Variants in PPM1L observed in about 807,000 individuals in gnomAD.
PPM1L encodes the protein protein phosphatase, Mg2+/Mn2+ dependent 1L.
In PPM1L, 13 loss-of-function variants were observed where a neutral mutation model predicts 31.4. That is an observed-to-expected ratio of 0.41 (90% CI 0.27 to 0.66). The LOEUF (loss-of-function observed/expected upper bound fraction) is 0.66. Among genes scored for constraint, PPM1L ranks in the 30% least tolerant of loss-of-function variants. PPM1L has a pLI of 0.29. For synonymous variants in PPM1L, 184 were observed against 175.4 expected (o/e 1.05, Z -0.39); for missense variants, 326 against 453.7 (o/e 0.72, Z 2.56).
chr3:161,041,801 C>G (rs1718918880), intron 2 of PPM1L, among the ~76,000 whole-genome samples: 2 of 152,120 alleles, frequency 1.3e-5, no homozygotes, highest in South Asian at 2.1e-4. Context: ...TAAAGGGTGC[C>G]TGGATCTCTA....
chr3:160,872,980 CAA>C (rs1475772759), intron 1 of PPM1L, among the ~76,000 whole-genome samples: 1 of 152,140 alleles, frequency 6.6e-6, no homozygotes, highest in Non-Finnish European at 1.5e-5. Flanking sequence ...TGAGGAAAAT[CAA>C]AGTTTGTCAA....
At chr3:160,895,817 T>A (rs532870599) in intron 1 of PPM1L, among the ~76,000 whole-genome samples, 1 of 152,310 alleles carries the variant, frequency 6.6e-6, no homozygotes, top group South Asian at 2.1e-4. Flanking sequence ...CTAATATTGT[T>A]ACCAAGTAAT....
chr3:160,908,784 G>A (rs1458098163), intron 1 of PPM1L, among the ~76,000 whole-genome samples: 1 of 152,164 alleles, frequency 6.6e-6, no homozygotes, highest in Non-Finnish European at 1.5e-5. Context: ...GTCTTACAGG[G>A]ACAGGTAATA....
At chr3:160,992,416 TA>T (rs1717162959) in intron 2 of PPM1L, among the ~76,000 whole-genome samples, 1 of 152,146 alleles carries the variant, frequency 6.6e-6, no homozygotes, top group Non-Finnish European at 1.5e-5. Context: ...TCATCAAAAT[TA>T]GGGCCCAAGA....
chr3:160,799,348 A>G (rs372762973), intron 1 of PPM1L, among the ~76,000 whole-genome samples: 8 of 152,228 alleles, frequency 5.3e-5, no homozygotes, highest in African/African-American at 1.7e-4. Flanking sequence ...AAGAATTGCC[A>G]CACCTACCCC....
chr3:161,065,263 A>G, intron 2 of PPM1L, 140 bp from the exon 3 acceptor site: 1 of 725,212 alleles, frequency 1.4e-6, no homozygotes, highest in Non-Finnish European at 2.3e-6. Context: ...GTGAACAGCC[A>G]TCATTCTCAG....
chr3:160,898,669 C>G (rs112300693), intron 1 of PPM1L, among the ~76,000 whole-genome samples: 2 of 152,136 alleles, frequency 1.3e-5, no homozygotes, highest in African/African-American at 4.8e-5. Context: ...CCAGGTGAAC[C>G]AAGTGAGATT....
At chr3:160,847,754 G>T (rs1714127041) in intron 1 of PPM1L, among the ~76,000 whole-genome samples, 2 of 152,134 alleles carry the variant, frequency 1.3e-5, no homozygotes, top group Non-Finnish European at 2.9e-5. Context: ...CCTAAGATTG[G>T]TATAAAACCA....
intron 2 of PPM1L, among the ~76,000 whole-genome samples, chr3:161,056,051 A>G (rs1009769255): frequency 6.6e-6 from 1 of 152,188 alleles, no homozygotes; most frequent in African/African-American, 2.4e-5. Context: ...TAAAATAAGG[A>G]TTCTCAGGAC....
In PPM1L at chr3:160,782,890, G is replaced by T. The variant is rs188229462; in HGVS notation, c.399+26183G>T. ...GTTTTTAAATACTTCAGAAATGCTT[G>T]TTTATTGAATTGTGTTATTCTTTAT... On this transcript the variant is annotated intron_variant, in intron 1 of 3. Coordinates refer to ENST00000498165, the MANE Select transcript of PPM1L (RefSeq NM_139245.4). Among the ~76,000 whole-genome samples the T allele has an allele frequency of 1.3e-3, 200 of 152,252 alleles. 1 individual carries two copies. The highest frequency in any genetic ancestry group is 2.2e-3 in the Non-Finnish European group (151 of 67,988).
intron 1 of PPM1L, among the ~76,000 whole-genome samples, chr3:160,948,390 G>A (rs1436608027): frequency 6.6e-6 from 1 of 152,148 alleles, no homozygotes; most frequent in African/African-American, 2.4e-5. Flanking sequence ...GTGATGCTGA[G>A]TTCCTTTCCC....
intron 1 of PPM1L, among the ~76,000 whole-genome samples, chr3:160,814,988 T>G (rs1712951278): frequency 6.6e-6 from 1 of 151,984 alleles, no homozygotes; most frequent in Admixed American, 6.6e-5. Context: ...ACAATGGACT[T>G]TCGGGATTCA....
chr3:160,840,193 G>A (rs1393601310), intron 1 of PPM1L, among the ~76,000 whole-genome samples: 1 of 152,078 alleles, frequency 6.6e-6, no homozygotes, highest in East Asian at 1.9e-4. Flanking sequence ...AGCACTTTTG[G>A]AAAGCATCGT....
At chr3:160,931,243 A>G (rs1386397526) in intron 1 of PPM1L, among the ~76,000 whole-genome samples, 3 of 152,262 alleles carry the variant, frequency 2.0e-5, no homozygotes, top group African/African-American at 7.2e-5. Context: ...TTTTGTGGTT[A>G]TGGTATTTTG....
rs147110286 is a variant in PPM1L, at chr3:160,778,866, C to G, written c.399+22159C>G. Reference sequence around the variant, plus strand: ...ACTTTAAAGGCTTTGAGCCCAGAAGCTCTCTCAAACTCATTCTAAGTGCTT... The same window carrying G: ...ACTTTAAAGGCTTTGAGCCCAGAAGGTCTCTCAAACTCATTCTAAGTGCTT... On this transcript the variant is annotated intron_variant, in intron 1 of 3. Transcript: ENST00000498165. Among the ~76,000 whole-genome samples the G allele has an allele frequency of 1.7e-3, 257 of 152,278 alleles. 1 individual carries two copies. The highest frequency in any genetic ancestry group is 3.2e-3 in the Non-Finnish European group (221 of 68,016).
chr3:160,807,809 C>CTT (rs780117248), intron 1 of PPM1L, among the ~76,000 whole-genome samples: 10 of 138,800 alleles, frequency 7.2e-5, no homozygotes, highest in Non-Finnish European at 1.6e-4. Flanking sequence ...TGCTTGGGCA[C>CTT]TTTTTTTTTT....
chr3:160,810,210 G>C (rs572043979), intron 1 of PPM1L, among the ~76,000 whole-genome samples: 1 of 151,980 alleles, frequency 6.6e-6, no homozygotes, highest in East Asian at 1.9e-4. Context: ...CTTAATGTGT[G>C]TTAGTAGGTC....
At chr3:161,009,715 G>A (rs570062798) in intron 2 of PPM1L, among the ~76,000 whole-genome samples, 1 of 152,186 alleles carries the variant, frequency 6.6e-6, no homozygotes, top group Admixed American at 6.5e-5. Flanking sequence ...GTCCTCTTCT[G>A]TTCTCTCCAA....
intron 2 of PPM1L, among the ~76,000 whole-genome samples, chr3:161,011,590 C>G (rs958918002): frequency 1.3e-5 from 2 of 151,574 alleles, no homozygotes; most frequent in African/African-American, 4.9e-5. Flanking sequence ...GGCATTGAAT[C>G]TATAAATTAC....
Sources: gnomAD v4.1 joint callset for allele counts (sites outside exome capture counted in the v4.1 genomes callset) on GRCh38, gnomAD v4.1.1 for gene constraint, MANE v1.5 for transcripts, NCBI Gene and HGNC (gene_info 2026-07-23, HGNC 2026-07-21) for gene names.